ARHGEF28: variants seen among roughly 807,000 people sequenced by gnomAD.
ARHGEF28 encodes the protein Rho guanine nucleotide exchange factor 28.
ARHGEF28 carries 152 observed loss-of-function variants against 206.6 expected under a neutral mutation model. That is an observed-to-expected ratio of 0.74 (90% CI 0.64 to 0.84). The LOEUF (loss-of-function observed/expected upper bound fraction) is 0.84, where lower values mean the gene tolerates loss of function less well. Among genes scored for constraint, ARHGEF28 ranks in the 40% least tolerant of loss-of-function variants. ARHGEF28 has a pLI of 0.00. For missense variants in ARHGEF28, 2,028 were observed against 2,073.2 expected, an observed-to-expected ratio of 0.98 and a Z score of 0.42; for synonymous variants, 763 against 776.4, an observed-to-expected ratio of 0.98 and a Z score of 0.29.
chr5:73,904,285 T>G, intron 32 of ARHGEF28, 25 bp downstream of exon 32: 1 of 1,613,662 alleles, frequency 6.2e-7, no homozygotes, highest in Non-Finnish European at 8.5e-7. Flanking sequence ...ATACCTTAAA[T>G]GTATCACCAG....
At chr5:73,644,382 G>A (rs2112147931) in intron 1 of ARHGEF28, among the ~76,000 whole-genome samples, 1 of 152,312 alleles carries the variant, frequency 6.6e-6, no homozygotes, top group South Asian at 2.1e-4. Flanking sequence ...CCTGGCTATA[G>A]TCTGTGTTTC....
intron 1 of ARHGEF28, among the ~76,000 whole-genome samples, chr5:73,680,520 T>C (rs1039731319): frequency 1.4e-5 from 2 of 144,274 alleles, no homozygotes; most frequent in Non-Finnish European, 3.0e-5. Flanking sequence ...GGGTTTTGGA[T>C]GGGAGGGGAG....
At chr5:73,638,600 G>A (rs575533089) in intron 1 of ARHGEF28, among the ~76,000 whole-genome samples, 20 of 152,270 alleles carry the variant, frequency 1.3e-4, no homozygotes, top group South Asian at 4.1e-4. Context: ...CCTTTGTGAC[G>A]TTAAAGAATA....
chr5:73,780,783 G>T, intron 7 of ARHGEF28, 38 bp downstream of exon 7: 1 of 1,547,224 alleles, frequency 6.5e-7, no homozygotes. Context: ...CAGCCACAGA[G>T]TGCTCTGGAC....
At chr5:73,691,947 A>G (rs1172326777) in intron 2 of ARHGEF28, among the ~76,000 whole-genome samples, 1 of 152,198 alleles carries the variant, frequency 6.6e-6, no homozygotes, top group Admixed American at 6.5e-5. Context: ...TGCTGGATGA[A>G]GGGCATACAT....
At chr5:73,825,996 G>A (rs903294362) in intron 9 of ARHGEF28, among the ~76,000 whole-genome samples, 3 of 152,150 alleles carry the variant, frequency 2.0e-5, no homozygotes, top group African/African-American at 7.2e-5. Flanking sequence ...AGGGAAGAGT[G>A]GAGAGAGTGG....
At chr5:73,866,212 T>C (rs1210110269) in intron 18 of ARHGEF28, among the ~76,000 whole-genome samples, 199 bp downstream of exon 18, 2 of 152,216 alleles carry the variant, frequency 1.3e-5, no homozygotes, top group African/African-American at 4.8e-5. Context: ...AACTTTTGTG[T>C]TGTGTGTACC....
At chr5:73,771,332 C>T (rs1024868858) in intron 4 of ARHGEF28, among the ~76,000 whole-genome samples, 20 of 152,126 alleles carry the variant, frequency 1.3e-4, no homozygotes, top group African/African-American at 4.6e-4. Context: ...CACCTGAGGT[C>T]AGGAGTTCAA....
rs79109254 is a variant in ARHGEF28 at position 73,729,260 on chromosome 5, T to C, written c.34-20577T>C. ...ATAATAGACACCTACCTCAAAGGAC[T>C]GTTGTGGGATTAAACTGATCAACTG... On this transcript the variant is annotated intron_variant, in intron 2 of 35. Coordinates refer to ENST00000513042, the MANE Select transcript of ARHGEF28 (RefSeq NM_001177693.2). 1.3e-3 allele frequency among the ~76,000 whole-genome samples: 196 copies of C among 152,324 alleles called. 1 individual carries two copies. Among genetic ancestry groups the C allele is most frequent in the African/African-American group, 4.6e-3 (191 of 41,568 alleles).
intron 21 of ARHGEF28, 24 bp from the exon 22 acceptor site, chr5:73,872,975 C>T (rs1445288277): frequency 1.2e-6 from 2 of 1,611,382 alleles, no homozygotes; most frequent in Non-Finnish European, 1.7e-6. Flanking sequence ...TTGTTTAAGG[C>T]TTATGTGTGC....
chr5:73,668,847 A>G (rs1432698589), intron 1 of ARHGEF28, among the ~76,000 whole-genome samples: 1 of 152,146 alleles, frequency 6.6e-6, no homozygotes, highest in African/African-American at 2.4e-5. Flanking sequence ...TTGTCTGTTC[A>G]GTCTATTCAG....
intron 2 of ARHGEF28, among the ~76,000 whole-genome samples, chr5:73,733,762 G>A (rs76155558): frequency 3.1e-4 from 47 of 152,176 alleles, no homozygotes; most frequent in Non-Finnish European, 6.5e-4. Flanking sequence ...GAGATGAGGC[G>A]TGAAAAAGAA....
intron 1 of ARHGEF28, among the ~76,000 whole-genome samples, chr5:73,635,694 T>C (rs926625136): frequency 6.6e-6 from 1 of 152,200 alleles, no homozygotes; most frequent in African/African-American, 2.4e-5. Flanking sequence ...AATCAGCTCA[T>C]CTAATGTAAG....
chr5:73,827,302 C>G (rs1368052532), intron 9 of ARHGEF28, among the ~76,000 whole-genome samples: 1 of 151,940 alleles, frequency 6.6e-6, no homozygotes, highest in Non-Finnish European at 1.5e-5. Flanking sequence ...TGCCAGTGGC[C>G]TTGGGTTGTT....
chr5:73,860,907 C>T (rs1456255308), intron 16 of ARHGEF28, among the ~76,000 whole-genome samples: 2 of 152,152 alleles, frequency 1.3e-5, no homozygotes, highest in African/African-American at 4.8e-5. Context: ...GCCCTTTCCT[C>T]CCACTGCGTG....
intron 2 of ARHGEF28, among the ~76,000 whole-genome samples, chr5:73,727,647 C>T (rs1463623864): frequency 6.6e-6 from 1 of 152,162 alleles, no homozygotes; most frequent in African/African-American, 2.4e-5. Flanking sequence ...TGTGTAGTAA[C>T]TCTGTTTTTT....
chr5:73,849,194 A>G lies in ARHGEF28; in HGVS notation c.1747+107A>G, dbSNP rs7724638. Reference sequence around the variant, plus strand: ...CAAGAACAGCAGACAAGAATTTTCCATTCTGTTTTCATAACTGGTTTTTCT... The same window carrying G: ...CAAGAACAGCAGACAAGAATTTTCCGTTCTGTTTTCATAACTGGTTTTTCT... On this transcript the variant is annotated intron_variant, in intron 13 of 35. Coordinates refer to ENST00000513042, the MANE Select transcript of ARHGEF28 (RefSeq NM_001177693.2). 70,976 of 828,132 alleles carry G rather than the reference A, an allele frequency of 0.086. 4,329 individuals carry two copies. Among genetic ancestry groups the G allele is most frequent in the African/African-American group, 0.2 (11,039 of 55,644 alleles). 51.3% of individuals were successfully genotyped at this position (828,132 alleles called of 1,614,324 possible). A position where few individuals can be genotyped will look rare whatever the true frequency, so the allele number is the denominator to read the frequency against.
At chr5:73,920,429 T>G (rs1446564565) in intron 35 of ARHGEF28, among the ~76,000 whole-genome samples, 1 of 149,264 alleles carries the variant, frequency 6.7e-6, no homozygotes, top group Non-Finnish European at 1.5e-5. Flanking sequence ...GTTCTAGAGA[T>G]CATCTTTTTT....
intron 35 of ARHGEF28, among the ~76,000 whole-genome samples, chr5:73,916,215 T>G (rs1312670075): frequency 1.3e-5 from 2 of 152,230 alleles, no homozygotes; most frequent in African/African-American, 4.8e-5. Flanking sequence ...TGTTTTAAAA[T>G]ATTTCATAAT....
Sources: allele counts gnomAD v4.1 joint callset (sites outside exome capture counted in the v4.1 genomes callset), GRCh38; gene constraint gnomAD v4.1.1; transcripts MANE v1.5; gene names NCBI Gene and HGNC (gene_info 2026-07-23, HGNC 2026-07-21).